The following RGPD2 variants were observed in gnomAD, a reference collection of about 807,000 sequenced individuals.
The protein encoded by RGPD2 is RANBP2 like and GRIP domain containing 2, also known as RANBP2-like and GRIP domain-containing protein 2.
In RGPD2, 2 loss-of-function variants were observed where a neutral mutation model predicts 36.0. The observed-to-expected ratio is 0.06, with a 90% CI of 0.02 to 0.17. The LOEUF is 0.17. Among genes scored for constraint, RGPD2 ranks in the 10% least tolerant of loss-of-function variants. RGPD2 has a pLI of 1.00. For synonymous variants in RGPD2, 19 were observed against 163.8 expected, an observed-to-expected ratio of 0.12 and a Z score of 6.75; for missense variants, 40 against 464.3, an observed-to-expected ratio of 0.09 and a Z score of 8.40.
chr2:87,929,473 T>TGTGTGTGTGTG, the RGPD2 span, among the ~76,000 whole-genome samples: 1 of 119,180 alleles, frequency 8.4e-6, no homozygotes, highest in African/African-American at 3.5e-5. Context: ...GCTTTGTTTT[T>TGTGTGTGTGTG]TTTGTGTGTG....
At chr2:87,847,181 G>A in the RGPD2 span, among the ~76,000 whole-genome samples, 2 of 151,914 alleles carry the variant, frequency 1.3e-5, no homozygotes, top group East Asian at 3.9e-4. Flanking sequence ...ATTTATTGAT[G>A]TTAAGCCACT....
the RGPD2 span, among the ~76,000 whole-genome samples, chr2:87,971,584 TA>T: frequency 6.9e-6 from 1 of 145,850 alleles, no homozygotes; most frequent in East Asian, 2.0e-4. Context: ...GTTCCAAATC[TA>T]GGATCTTTAT....
the RGPD2 span, among the ~76,000 whole-genome samples, chr2:87,920,367 T>G: frequency 6.6e-6 from 1 of 151,888 alleles, no homozygotes; most frequent in African/African-American, 2.4e-5. Flanking sequence ...ACTATCTTTT[T>G]AAGTTGCTAT....
the RGPD2 span, among the ~76,000 whole-genome samples, chr2:87,948,679 T>C: frequency 7.8e-6 from 1 of 128,044 alleles, no homozygotes; most frequent in Admixed American, 8.0e-5. Context: ...CCGCACCCGG[T>C]GGCAATTATT....
the RGPD2 span, among the ~76,000 whole-genome samples, chr2:87,858,163 A>AGACAG: frequency 6.6e-5 from 10 of 152,230 alleles, no homozygotes; most frequent in East Asian, 1.9e-3. Context: ...CTGTAATCCC[A>AGACAG]GCTACTTGGG....
At chr2:87,989,738 G>GT in the RGPD2 span, 7 of 989,166 alleles carry the variant, frequency 7.1e-6, no homozygotes, top group Non-Finnish European at 9.3e-6. Context: ...TAGAATCAAT[G>GT]TAAGTTCCAA....
the RGPD2 span, among the ~76,000 whole-genome samples, chr2:87,840,203 T>C: frequency 7.7e-6 from 1 of 130,392 alleles, no homozygotes; most frequent in Non-Finnish European, 1.6e-5. Flanking sequence ...TCGACACCAA[T>C]ATACTCAGAG....
the RGPD2 span, among the ~76,000 whole-genome samples, chr2:87,939,236 A>G: frequency 6.6e-6 from 1 of 151,852 alleles, no homozygotes; most frequent in Non-Finnish European, 1.5e-5. Flanking sequence ...TATAACTCCA[A>G]TAAGAGCAAA....
chr2:87,883,396 A>T, the RGPD2 span, among the ~76,000 whole-genome samples: 8 of 151,102 alleles, frequency 5.3e-5, no homozygotes, highest in South Asian at 2.1e-4. Context: ...AGACAGAAAT[A>T]AAAAAAAAGG....
At chr2:87,847,145 T>G in the RGPD2 span, among the ~76,000 whole-genome samples, 2 of 152,212 alleles carry the variant, frequency 1.3e-5, no homozygotes, top group Non-Finnish European at 2.9e-5. Flanking sequence ...TTACCATTGA[T>G]TTTACTTGAT....
the RGPD2 span, among the ~76,000 whole-genome samples, chr2:87,957,661 G>A: frequency 2.0e-5 from 3 of 152,198 alleles, no homozygotes; most frequent in Non-Finnish European, 2.9e-5. Context: ...CATCACATTG[G>A]ATATTGGATT....
chr2:87,864,770 C>G, the RGPD2 span, among the ~76,000 whole-genome samples: 1 of 152,348 alleles, frequency 6.6e-6, no homozygotes, highest in East Asian at 1.9e-4. Context: ...AATGTCTGTT[C>G]ATACCTTTTG....
At chr2:87,868,929 A>G in the RGPD2 span, among the ~76,000 whole-genome samples, 2 of 151,012 alleles carry the variant, frequency 1.3e-5, no homozygotes, top group Non-Finnish European at 3.0e-5. Context: ...CTCTTCCCCA[A>G]CCCTAGATTA....
chr2:87,894,088 C>A, the RGPD2 span, among the ~76,000 whole-genome samples: 1 of 151,794 alleles, frequency 6.6e-6, no homozygotes, highest in African/African-American at 2.4e-5. Flanking sequence ...TTTCATAGGA[C>A]CTTAATCAGA....
the RGPD2 span, among the ~76,000 whole-genome samples, chr2:87,873,976 T>A: frequency 6.6e-6 from 1 of 152,158 alleles, no homozygotes; most frequent in East Asian, 1.9e-4. Flanking sequence ...ATATCTCTAA[T>A]GATCAATGAT....
the RGPD2 span, among the ~76,000 whole-genome samples, chr2:87,986,191 T>A: frequency 6.8e-6 from 1 of 148,144 alleles, no homozygotes; most frequent in African/African-American, 2.5e-5. Flanking sequence ...GCTGGAGTGC[T>A]GTGGTGCGGT....
the RGPD2 span, among the ~76,000 whole-genome samples, chr2:87,854,594 A>G: frequency 6.6e-6 from 1 of 151,422 alleles, no homozygotes; most frequent in Non-Finnish European, 1.5e-5. Flanking sequence ...CTGGTATTCC[A>G]GAGCTGTGTT....
the RGPD2 span, among the ~76,000 whole-genome samples, chr2:87,906,730 C>G: frequency 6.6e-6 from 1 of 150,776 alleles, no homozygotes; most frequent in African/African-American, 2.4e-5. Flanking sequence ...ACCCTCTAAG[C>G]GGTATATTGT....
chr2:87,806,261 A>ACC (rs1390925460), intron 7 of RGPD2, among the ~76,000 whole-genome samples: 1 of 82,174 alleles, frequency 1.2e-5, no homozygotes, highest in Admixed American at 1.6e-4. Context: ...AATGTTATAT[A>ACC]CATGTGTTTC....
Sources: allele counts gnomAD v4.1 joint callset (sites outside exome capture counted in the v4.1 genomes callset), GRCh38; gene constraint gnomAD v4.1.1; transcripts MANE v1.5; gene names NCBI Gene and HGNC (gene_info 2026-07-23, HGNC 2026-07-21).